XG: variants seen among roughly 807,000 people sequenced by gnomAD.
The protein encoded by XG is glycoprotein Xg.
A neutral mutation model predicts 25.7 loss-of-function variants in XG; 24 were observed. That is an observed-to-expected ratio of 0.93 (90% CI 0.68 to 1.31). The LOEUF is 1.31. Among genes scored for constraint, XG ranks in the 40% most tolerant of loss-of-function variants. XG has a pLI of 0.00. For missense variants in XG, 181 were observed against 187.6 expected (o/e 0.96, Z 0.21); for synonymous variants, 77 against 69.2 (o/e 1.11, Z -0.56).
chrX:2,784,767 C>T (rs2086768767), intron 4 of XG, among the ~76,000 whole-genome samples: 1 of 111,252 alleles, frequency 9.0e-6, no homozygotes, highest in African/African-American at 3.3e-5. Flanking sequence ...TCTCCTGATG[C>T]TTGTCCCAAC....
intron 4 of XG, among the ~76,000 whole-genome samples, chrX:2,786,645 C>T (rs982898543): frequency 3.6e-5 from 4 of 110,978 alleles, no homozygotes; most frequent in African/African-American, 9.8e-5. Context: ...TATGTCTCCC[C>T]GCAAATTCAT....
intron 5 of XG, among the ~76,000 whole-genome samples, 173 bp from the exon 6 acceptor site, chrX:2,794,362 C>T (rs752552863): frequency 2.7e-5 from 3 of 112,488 alleles, no homozygotes; most frequent in Non-Finnish European, 5.6e-5. Context: ...GCAGGCAAGG[C>T]GGCCAGCCCA....
At chrX:2,800,196 G>C (rs901180208) in intron 7 of XG, among the ~76,000 whole-genome samples, 3 of 111,735 alleles carry the variant, frequency 2.7e-5, no homozygotes, top group Admixed American at 9.5e-5. Flanking sequence ...ATGAGAGGGA[G>C]ACAGGAAGAG....
At chrX:2,775,131 C>T (rs2050948827) in intron 3 of XG, 2 of 231,292 alleles carry the variant, frequency 8.6e-6, no homozygotes, top group African/African-American at 2.2e-5. Context: ...TAGGTATGTA[C>T]TCAAAATAAT....
At chrX:2,803,731 C>T (rs1223530002) in intron 7 of XG, among the ~76,000 whole-genome samples, 2 of 111,405 alleles carry the variant, frequency 1.8e-5, no homozygotes, top group East Asian at 2.8e-4. Context: ...TCTCAAACAC[C>T]GCGCTTACGT....
chrX:2,811,056 A>G (rs2147097743), intron 9 of XG, among the ~76,000 whole-genome samples: 1 of 111,773 alleles, frequency 8.9e-6, no homozygotes, highest in Admixed American at 9.5e-5. Context: ...CAGTGGTAAA[A>G]TGTGGTTGAC....
chrX:2,762,749 A>C (rs2050592543), intron 1 of XG, among the ~76,000 whole-genome samples: 1 of 152,108 alleles, frequency 6.6e-6, no homozygotes, highest in South Asian at 2.1e-4. Context: ...ACCTAGTCAT[A>C]TGATTTAATT....
chrX:2,784,320 C>T (rs1209510890), intron 4 of XG, among the ~76,000 whole-genome samples: 1 of 111,072 alleles, frequency 9.0e-6, no homozygotes, highest in African/African-American at 3.3e-5. Context: ...TGGTGGGTCA[C>T]GTCTGTAATC....
rs311185 is a variant in XG, at chrX:2,797,283, C to T, written c.323-27C>T. 24,680 of 1,207,217 alleles carry T rather than the reference C, an allele frequency of 0.02. 1,947 individuals are homozygous for T. The African/African-American group carries it at 0.29, about 14-fold the overall frequency. ...CCCACGCTCAGACACCTGAACATCCCTCAACTCTACCTTCTCTGTCTAACA... is the reference window on the plus strand; with the variant it reads ...CCCACGCTCAGACACCTGAACATCCTTCAACTCTACCTTCTCTGTCTAACA... On this transcript the variant is annotated intron_variant, in intron 6 of 10. Transcript: ENST00000644266.
At chrX:2,758,913 AATCT>A (rs1203695328) in intron 1 of XG, among the ~76,000 whole-genome samples, 11 of 151,312 alleles carry the variant, frequency 7.3e-5, no homozygotes, top group South Asian at 2.1e-4. Context: ...TCATCTACCT[AATCT>A]ATCTGTCAAT....
intron 5 of XG, among the ~76,000 whole-genome samples, chrX:2,793,356 G>A (rs1249874446): frequency 8.9e-6 from 1 of 111,837 alleles, no homozygotes; most frequent in African/African-American, 3.2e-5. Flanking sequence ...TCGGGGTCCA[G>A]GAACCACAGA....
At chrX:2,760,654 G>C (rs1827871608) in intron 1 of XG, among the ~76,000 whole-genome samples, 1 of 146,090 alleles carries the variant, frequency 6.8e-6, no homozygotes, top group South Asian at 2.2e-4. Context: ...AGAATCGCTT[G>C]AACCTGGGAG....
chrX:2,797,242 A>C, intron 6 of XG, 68 bp from the exon 7 acceptor site: 1 of 1,125,113 alleles, frequency 8.9e-7, no homozygotes, highest in Non-Finnish European at 1.2e-6. Context: ...TGGACAGACC[A>C]ACACCTGCAG....
At chrX:2,807,543 T>C (rs960712961) in intron 8 of XG, among the ~76,000 whole-genome samples, 6 of 111,117 alleles carry the variant, frequency 5.4e-5, no homozygotes, top group African/African-American at 2.0e-4. Context: ...CACACATGTG[T>C]ACATGTGTAT....
At chrX:2,778,849 C>T (rs948869599) in intron 3 of XG, among the ~76,000 whole-genome samples, 4 of 151,840 alleles carry the variant, frequency 2.6e-5, no homozygotes, top group African/African-American at 9.7e-5. Context: ...TCTCACCTCC[C>T]CGCAAACTTC....
chrX:2,758,612 T>A (rs1358707982), intron 1 of XG, among the ~76,000 whole-genome samples: 1 of 152,182 alleles, frequency 6.6e-6, no homozygotes, highest in African/African-American at 2.4e-5. Flanking sequence ...CAACCAGGGA[T>A]CATGTTTATC....
intron 1 of XG, among the ~76,000 whole-genome samples, chrX:2,768,500 G>T (rs999689923): frequency 1.2e-4 from 18 of 152,198 alleles, no homozygotes; most frequent in African/African-American, 4.3e-4. Context: ...AGGTGCGGTG[G>T]CTCACGCCTG....
chrX:2,764,769 G>T (rs1024999128), intron 1 of XG, among the ~76,000 whole-genome samples: 47 of 152,018 alleles, frequency 3.1e-4, no homozygotes, highest in Non-Finnish European at 5.3e-4. Flanking sequence ...GGCCGGGGGC[G>T]GTGGCTCATG....
chrX:2,791,958 G>A (rs2086841106), intron 5 of XG, among the ~76,000 whole-genome samples: 1 of 110,901 alleles, frequency 9.0e-6, no homozygotes. Context: ...ACATGAACAA[G>A]GGATCTTTAT....
Sources: allele counts gnomAD v4.1 joint callset (sites outside exome capture counted in the v4.1 genomes callset), GRCh38; gene constraint gnomAD v4.1.1; transcripts MANE v1.5; gene names NCBI Gene and HGNC (gene_info 2026-07-23, HGNC 2026-07-21).